OXCT1: variants seen among roughly 807,000 people sequenced by gnomAD.
The protein encoded by OXCT1 is 3-oxoacid CoA-transferase 1.
OXCT1 carries 27 observed loss-of-function variants against 69.6 expected under a neutral mutation model. The observed-to-expected ratio is 0.39, with a 90% CI of 0.29 to 0.54. The LOEUF is 0.54. OXCT1 is among the 20% of genes least tolerant of loss of function. The pLI, the probability that OXCT1 is intolerant of heterozygous loss-of-function variation, is 0.72. For synonymous variants in OXCT1, 202 were observed against 217.8 expected (o/e 0.93, Z 0.64); for missense variants, 437 against 650.2 (o/e 0.67, Z 3.57).
intron 1 of OXCT1, among the ~76,000 whole-genome samples, chr5:41,864,789 A>G (rs2112480962): frequency 6.6e-6 from 1 of 151,930 alleles, no homozygotes; most frequent in East Asian, 1.9e-4. Flanking sequence ...CTCATACTCC[A>G]CTTCTCATTT....
intron 13 of OXCT1, among the ~76,000 whole-genome samples, chr5:41,786,879 C>T (rs991501783): frequency 2.0e-5 from 3 of 152,040 alleles, no homozygotes; most frequent in Admixed American, 2.0e-4. Context: ...TTTAATATAA[C>T]TAAAGAGAGC....
chr5:41,842,848 A>G (rs1448068199), intron 5 of OXCT1, 67 bp from the exon 6 acceptor site: 9 of 999,718 alleles, frequency 9.0e-6, no homozygotes, highest in Non-Finnish European at 1.4e-5. Flanking sequence ...AGGCACTCTG[A>G]TAGAGGTAGA....
chr5:41,792,174 A>G (rs1392535902), intron 13 of OXCT1, among the ~76,000 whole-genome samples: 1 of 152,240 alleles, frequency 6.6e-6, no homozygotes, highest in Non-Finnish European at 1.5e-5. Flanking sequence ...TGTACTTTGT[A>G]TGCATTGTCA....
chr5:41,828,174 C>T (rs138589200), intron 7 of OXCT1, among the ~76,000 whole-genome samples: 325 of 152,264 alleles, frequency 2.1e-3, no homozygotes, highest in African/African-American at 7.5e-3. Flanking sequence ...CTGGCAAAAT[C>T]TCCTCTCACT....
intron 16 of OXCT1, among the ~76,000 whole-genome samples, chr5:41,736,517 T>C (rs946294922): frequency 1.3e-5 from 2 of 152,246 alleles, no homozygotes; most frequent in African/African-American, 4.8e-5. Context: ...TTCTTTTTTT[T>C]AACAGTGCCC....
intron 14 of OXCT1, among the ~76,000 whole-genome samples, chr5:41,751,044 C>A (rs916802212): frequency 6.6e-6 from 1 of 152,038 alleles, no homozygotes; most frequent in Non-Finnish European, 1.5e-5. Context: ...TTTATAGTTG[C>A]AGAAATAAAG....
intron 7 of OXCT1, among the ~76,000 whole-genome samples, chr5:41,831,096 G>C (rs1276169986): frequency 1.3e-5 from 2 of 152,216 alleles, no homozygotes; most frequent in Admixed American, 6.5e-5. Context: ...AACAGGGCCA[G>C]AGTCACAAAT....
chr5:41,844,182 T>C (rs1183082036), intron 5 of OXCT1, among the ~76,000 whole-genome samples: 1 of 152,060 alleles, frequency 6.6e-6, no homozygotes, highest in African/African-American at 2.4e-5. Flanking sequence ...GGGGAAGGAG[T>C]TGGTTTTGTC....
intron 13 of OXCT1, among the ~76,000 whole-genome samples, chr5:41,791,232 A>C (rs1432719537): frequency 6.6e-6 from 1 of 152,140 alleles, no homozygotes; most frequent in Non-Finnish European, 1.5e-5. Flanking sequence ...GAAAGCAACA[A>C]AAAAAATGCT....
intron 11 of OXCT1, among the ~76,000 whole-genome samples, chr5:41,795,167 A>C (rs1384233648): frequency 6.6e-6 from 1 of 152,102 alleles, no homozygotes; most frequent in Admixed American, 6.5e-5. Flanking sequence ...GATCCCTCAT[A>C]TGCACAGTTT....
At chr5:41,847,093 G>A (rs1748948784) in intron 5 of OXCT1, among the ~76,000 whole-genome samples, 2 of 151,578 alleles carry the variant, frequency 1.3e-5, no homozygotes, top group Admixed American at 6.6e-5. Flanking sequence ...AATGATAAAG[G>A]GGATATCACC....
At chr5:41,827,887 G>A (rs900849909) in intron 7 of OXCT1, among the ~76,000 whole-genome samples, 1 of 152,098 alleles carries the variant, frequency 6.6e-6, no homozygotes, top group East Asian at 1.9e-4. Context: ...CTGTTCTTCC[G>A]CCTCCTAAGG....
intron 7 of OXCT1, among the ~76,000 whole-genome samples, chr5:41,833,524 G>GAAA (rs70988870): frequency 6.0e-4 from 83 of 137,538 alleles, no homozygotes; most frequent in African/African-American, 2.1e-3. Flanking sequence ...TCTTTGATCT[G>GAAA]AAAAAAAAAA....
chr5:41,836,251 T>C (rs1165231493), intron 7 of OXCT1, among the ~76,000 whole-genome samples: 1 of 152,174 alleles, frequency 6.6e-6, no homozygotes, highest in Non-Finnish European at 1.5e-5. Context: ...CTGTCTGGAC[T>C]GAAAAGAGAA....
At chr5:41,764,001 A>G (rs753367319) in intron 13 of OXCT1, among the ~76,000 whole-genome samples, 7 of 152,268 alleles carry the variant, frequency 4.6e-5, no homozygotes, top group Non-Finnish European at 7.4e-5. Context: ...CAAGAATATA[A>G]CACACTATGA....
rs897145156 is a variant in OXCT1, at chr5:41,730,918, A to C, written c.*811T>G. 2.6e-5 allele frequency: 4 copies of C among 152,236 alleles called. No individual in the cohort carries two copies. Among genetic ancestry groups the C allele is most frequent in the Admixed American group, 1.3e-4 (2 of 15,278 alleles). The allele number at this position is 152,236 out of a possible 1,614,324, so 9.4% of individuals were successfully genotyped here. On this transcript the variant is annotated 3_prime_UTR_variant, in exon 17 of 17. Transcript: ENST00000196371. ...TTTAACTCTGCTGTCATTGCTACTAAGGATTCATGGTAAATTATCCCACAG... is the reference window on the plus strand; with the variant it reads ...TTTAACTCTGCTGTCATTGCTACTACGGATTCATGGTAAATTATCCCACAG...
rs545374441 is a variant in OXCT1, at chr5:41,838,356, G to A, written c.732+2095C>T. On this transcript the variant is annotated intron_variant, in intron 7 of 16. Transcript: ENST00000196371. ...CACAGTTCTTACAATTCAATCTATG[G>A]TCATGTTTCTACTATGTATACTATA... 7.2e-5 allele frequency among the ~76,000 whole-genome samples: 11 copies of A among 152,184 alleles called. No homozygotes were observed. The South Asian group carries it at 2.3e-3, about 32-fold the overall frequency.
At chr5:41,862,491 A>T in intron 2 of OXCT1, 151 bp downstream of exon 2, 1 of 573,782 alleles carries the variant, frequency 1.7e-6, no homozygotes, top group Non-Finnish European at 3.2e-6. Flanking sequence ...GGAAGGAGAC[A>T]CTAATAAAAT....
chr5:41,763,156 A>T (rs1179589403), intron 13 of OXCT1, among the ~76,000 whole-genome samples: 1 of 152,150 alleles, frequency 6.6e-6, no homozygotes, highest in African/African-American at 2.4e-5. Flanking sequence ...TGGCTTTAAA[A>T]CACGGTCTCG....
Sources: allele counts gnomAD v4.1 joint callset (sites outside exome capture counted in the v4.1 genomes callset), GRCh38; gene constraint gnomAD v4.1.1; transcripts MANE v1.5; gene names NCBI Gene and HGNC (gene_info 2026-07-23, HGNC 2026-07-21).